TSPAN5: variants seen among roughly 807,000 people sequenced by gnomAD.
The protein encoded by TSPAN5 is tetraspanin 5.
In TSPAN5, 10 loss-of-function variants were observed where a neutral mutation model predicts 37.1. The ratio of observed to expected loss-of-function variants is 0.27; its 90% CI spans 0.17 to 0.46. The LOEUF (loss-of-function observed/expected upper bound fraction) is 0.46. TSPAN5 is among the 20% of genes least tolerant of loss of function. The pLI is 1.00. For missense variants in TSPAN5, 195 were observed against 326.6 expected, an observed-to-expected ratio of 0.60 and a Z score of 3.11; for synonymous variants, 110 against 118.9, an observed-to-expected ratio of 0.93 and a Z score of 0.48.
At chr4:98,573,374 T>A (rs979547845) in intron 1 of TSPAN5, among the ~76,000 whole-genome samples, 1 of 152,224 alleles carries the variant, frequency 6.6e-6, no homozygotes, top group Non-Finnish European at 1.5e-5. Context: ...CCATTGCATT[T>A]AAAAATGCAA....
At chr4:98,607,313 T>G (rs1203275980) in intron 1 of TSPAN5, among the ~76,000 whole-genome samples, 1 of 152,096 alleles carries the variant, frequency 6.6e-6, no homozygotes. Flanking sequence ...TTTGTGGAAG[T>G]GGAAAGCAAT....
At chr4:98,651,311 G>C (rs549431069) in intron 1 of TSPAN5, among the ~76,000 whole-genome samples, 44 of 152,334 alleles carry the variant, frequency 2.9e-4, no homozygotes, top group Non-Finnish European at 5.1e-4. Flanking sequence ...AAAGTATCAA[G>C]AGCATGATAG....
At chr4:98,639,514 T>C (rs1479702193) in intron 1 of TSPAN5, among the ~76,000 whole-genome samples, 1 of 113,070 alleles carries the variant, frequency 8.8e-6, no homozygotes, top group Admixed American at 9.7e-5. Flanking sequence ...ACAGACAGGG[T>C]CTCATTTTTG....
At chr4:98,503,235 A>G (rs544181264) in intron 2 of TSPAN5, among the ~76,000 whole-genome samples, 2 of 152,082 alleles carry the variant, frequency 1.3e-5, no homozygotes, top group Non-Finnish European at 2.9e-5. Flanking sequence ...AGACACCGTG[A>G]TCTACAGTGG....
At position 98,636,700 on chromosome 4, in the gene TSPAN5, C is replaced by T. The variant is rs191229073; in HGVS notation, c.81+21446G>A. Among the ~76,000 whole-genome samples, 29 of 152,274 alleles carry T rather than the reference C, an allele frequency of 1.9e-4. 2 individuals carry two copies. In the South Asian group the frequency reaches 3.3e-3, roughly 17 times the overall value. Reference sequence around the variant, plus strand: ...CAAGTAAAACTGCTGGAAAAAAATGCGGCTGGCAGCTTCTTCATCTGGATG... The same window carrying T: ...CAAGTAAAACTGCTGGAAAAAAATGTGGCTGGCAGCTTCTTCATCTGGATG... On this transcript the variant is annotated intron_variant, in intron 1 of 7. Transcript: ENST00000305798.
In TSPAN5 at chr4:98,489,430, A is replaced by G. The variant is rs184055976; in HGVS notation, c.133-2546T>C. On this transcript the variant is annotated intron_variant, in intron 2 of 7. Coordinates refer to ENST00000305798, the MANE Select transcript of TSPAN5 (RefSeq NM_005723.4). ...CAGGGGGAGGGACAATGATCGAGAT[A>G]TAAACTCAGGCATTCAAGCAGGGAG... 2.9e-3 allele frequency among the ~76,000 whole-genome samples: 443 copies of G among 152,322 alleles called. 2 individuals carry two copies. Among genetic ancestry groups the G allele is most frequent in the Non-Finnish European group, 4.9e-3 (335 of 68,024 alleles).
chr4:98,575,787 A>T (rs1290259752), intron 1 of TSPAN5, among the ~76,000 whole-genome samples: 1 of 138,580 alleles, frequency 7.2e-6, no homozygotes, highest in African/African-American at 2.7e-5. Context: ...AAAAAAAAAA[A>T]GTGGCTGGGC....
intron 1 of TSPAN5, among the ~76,000 whole-genome samples, chr4:98,569,052 C>A (rs1755065558): frequency 6.6e-6 from 1 of 152,226 alleles, no homozygotes; most frequent in Non-Finnish European, 1.5e-5. Flanking sequence ...TTCCCACTGG[C>A]AAGCCTCCTG....
At chr4:98,607,676 G>GA (rs140537117) in intron 1 of TSPAN5, among the ~76,000 whole-genome samples, 57,824 of 150,206 alleles carry the variant, frequency 0.38, 11,373 homozygotes, top group Middle Eastern at 0.48. Context: ...ACACAGTTGG[G>GA]AAAAAAAAGA....
rs192282030 is a variant in TSPAN5, at chr4:98,533,247, T to C, written c.82-25519A>G. On this transcript the variant is annotated intron_variant, in intron 1 of 7. Transcript: ENST00000305798. The stretch of plus-strand genomic sequence containing the variant: ...TTCCCTCTTTTTCTATAGTTTGGAA[T>C]AGTTTCAGAAGGAATGGTATCATCT... Among the ~76,000 whole-genome samples, 952 of 152,266 alleles carry C rather than the reference T, an allele frequency of 6.3e-3. 11 individuals carry two copies. The highest frequency in any genetic ancestry group is 9.6e-3 in the South Asian group (46 of 4,816).
intron 1 of TSPAN5, among the ~76,000 whole-genome samples, chr4:98,591,009 TC>T (rs1755619771): frequency 6.6e-6 from 1 of 151,892 alleles, no homozygotes; most frequent in Non-Finnish European, 1.5e-5. Context: ...AACTCTTGGT[TC>T]CCAGTCATAG....
intron 1 of TSPAN5, among the ~76,000 whole-genome samples, chr4:98,551,465 T>G (rs1259429802): frequency 6.7e-6 from 1 of 149,018 alleles, no homozygotes; most frequent in Non-Finnish European, 1.5e-5. Flanking sequence ...TTAGTTCTTC[T>G]TTGTATGGTT....
intron 1 of TSPAN5, among the ~76,000 whole-genome samples, chr4:98,644,706 A>G (rs1757026713): frequency 6.6e-6 from 1 of 152,178 alleles, no homozygotes; most frequent in Non-Finnish European, 1.5e-5. Context: ...GTAACTTGAA[A>G]GAGGAGAGGA....
intron 1 of TSPAN5, among the ~76,000 whole-genome samples, chr4:98,651,645 AATTTTAAAT>A: frequency 6.6e-6 from 1 of 152,312 alleles, no homozygotes; most frequent in East Asian, 1.9e-4. Context: ...TCCAAATAAA[AATTTTAAAT>A]GAACAGTAAA....
At chr4:98,520,502 G>T (rs1348393279) in intron 1 of TSPAN5, among the ~76,000 whole-genome samples, 1 of 152,182 alleles carries the variant, frequency 6.6e-6, no homozygotes, top group Non-Finnish European at 1.5e-5. Flanking sequence ...ACCTTACGTA[G>T]GAGACAAAAG....
intron 1 of TSPAN5, among the ~76,000 whole-genome samples, chr4:98,511,446 G>A (rs1048606661): frequency 6.6e-6 from 1 of 152,156 alleles, no homozygotes. Context: ...ACTGAATACT[G>A]TAGGCAACTG....
chr4:98,620,373 T>C (rs144906420), intron 1 of TSPAN5, among the ~76,000 whole-genome samples: 31 of 152,270 alleles, frequency 2.0e-4, no homozygotes, highest in South Asian at 4.1e-4. Flanking sequence ...ACAGCAGGCA[T>C]ACACACCTGA....
chr4:98,471,017 T>C lies in TSPAN5; in HGVS notation c.*1505A>G, dbSNP rs1752570425. 1.3e-5 allele frequency: 2 copies of C among 152,166 alleles called. No homozygotes were observed. The highest frequency in any genetic ancestry group is 4.1e-4 in the South Asian group (2 of 4,828). 9.4% of individuals were successfully genotyped at this position (152,166 alleles called of 1,614,324 possible). Reference sequence around the variant, plus strand: ...GGTGGACACCAGCTGGATTAAAATCTAGAGGGCAAAACTCGTCCCTCCCAC... The same window carrying C: ...GGTGGACACCAGCTGGATTAAAATCCAGAGGGCAAAACTCGTCCCTCCCAC... On this transcript the variant is annotated 3_prime_UTR_variant, in exon 8 of 8. Transcript: ENST00000305798.
chr4:98,611,817 C>T (rs1346547079), intron 1 of TSPAN5, among the ~76,000 whole-genome samples: 1 of 152,196 alleles, frequency 6.6e-6, no homozygotes, highest in African/African-American at 2.4e-5. Flanking sequence ...GATTTGCTTG[C>T]GTAAGAAACA....
Sources: allele counts gnomAD v4.1 joint callset (sites outside exome capture counted in the v4.1 genomes callset), GRCh38; gene constraint gnomAD v4.1.1; transcripts MANE v1.5; gene names NCBI Gene and HGNC (gene_info 2026-07-23, HGNC 2026-07-21).